Variants in PXDNL observed in about 807,000 individuals in gnomAD.
PXDNL encodes probable oxidoreductase PXDNL.
Under a neutral mutation model 150.8 loss-of-function variants are expected in PXDNL, and 145 were observed. That is an observed-to-expected ratio of 0.96 (90% CI 0.84 to 1.10). PXDNL has a LOEUF of 1.10. Ranked by LOEUF, PXDNL falls within the 50% of genes least tolerant of loss-of-function variation. The pLI, the probability that PXDNL is intolerant of heterozygous loss-of-function variation, is 0.00. For missense variants in PXDNL, 2,087 were observed against 1,873.9 expected, an observed-to-expected ratio of 1.11 and a Z score of -2.10; for synonymous variants, 757 against 725.7, an observed-to-expected ratio of 1.04 and a Z score of -0.69.
At chr8:51,553,519 AAG>A (rs1812535480) in intron 4 of PXDNL, among the ~76,000 whole-genome samples, 1 of 152,102 alleles carries the variant, frequency 6.6e-6, no homozygotes, top group Admixed American at 6.5e-5. Flanking sequence ...ATGCTTTTTA[AAG>A]ATGTTCTTCA....
At chr8:51,362,888 A>G (rs1361229338) in intron 19 of PXDNL, among the ~76,000 whole-genome samples, 1 of 152,234 alleles carries the variant, frequency 6.6e-6, no homozygotes. Context: ...CTAGTTTTTA[A>G]ATTGTTGGCA....
chr8:51,365,690 G>A (rs997240770), intron 19 of PXDNL, among the ~76,000 whole-genome samples: 20 of 152,186 alleles, frequency 1.3e-4, no homozygotes, highest in African/African-American at 3.9e-4. Flanking sequence ...TGAGAACATC[G>A]TAGCCTGTGA....
intron 2 of PXDNL, among the ~76,000 whole-genome samples, chr8:51,619,820 T>C (rs1386986688): frequency 1.3e-5 from 2 of 152,166 alleles, no homozygotes; most frequent in African/African-American, 4.8e-5. Flanking sequence ...ACTAATACAC[T>C]GGGTTTTCTC....
At chr8:51,620,272 T>C (rs1814222754) in intron 2 of PXDNL, among the ~76,000 whole-genome samples, 1 of 152,160 alleles carries the variant, frequency 6.6e-6, no homozygotes, top group Non-Finnish European at 1.5e-5. Flanking sequence ...AAAGTAATTT[T>C]CTATATTTTG....
intron 19 of PXDNL, among the ~76,000 whole-genome samples, chr8:51,362,942 G>A (rs558326370): frequency 2.0e-5 from 3 of 152,266 alleles, no homozygotes; most frequent in African/African-American, 7.2e-5. Context: ...GTAGGTACTT[G>A]TTTGATTTGA....
At chr8:51,557,912 C>T (rs1812631297) in intron 3 of PXDNL, among the ~76,000 whole-genome samples, 1 of 152,114 alleles carries the variant, frequency 6.6e-6, no homozygotes. Flanking sequence ...GGACTCCAGT[C>T]AGTTTCTAAA....
chr8:51,376,611 TG>T (rs1314830296), intron 17 of PXDNL, among the ~76,000 whole-genome samples: 3 of 152,140 alleles, frequency 2.0e-5, no homozygotes, highest in Non-Finnish European at 4.4e-5. Flanking sequence ...AATTTCTGGT[TG>T]GGTAGCATAC....
In PXDNL at chr8:51,525,446, G is replaced by C. The variant is rs897289733; in HGVS notation, c.381-25676C>G. Among the ~76,000 whole-genome samples the C allele has an allele frequency of 6.5e-4, 99 of 152,118 alleles. 1 individual carries two copies. The highest frequency in any genetic ancestry group is 9.1e-4 in the Non-Finnish European group (62 of 68,036). ...TTGTCACTGCCCCTCGGTCTGCTTC[G>C]CTCTCTATCTGTAATCACACACATT... On this transcript the variant is annotated intron_variant, in intron 4 of 22. Coordinates refer to ENST00000356297, the MANE Select transcript of PXDNL (RefSeq NM_144651.5).
intron 1 of PXDNL, among the ~76,000 whole-genome samples, chr8:51,775,989 G>A (rs1163711076): frequency 2.0e-5 from 3 of 152,138 alleles, no homozygotes; most frequent in Admixed American, 2.0e-4. Context: ...CCAAGGGGAG[G>A]TCTCTAAAAT....
chr8:51,498,928 G>C (rs1381078869), intron 5 of PXDNL, among the ~76,000 whole-genome samples: 1 of 152,120 alleles, frequency 6.6e-6, no homozygotes, highest in Non-Finnish European at 1.5e-5. Context: ...ATATACAACA[G>C]CTTATTTCTC....
chr8:51,552,389 T>C (rs1812509820), intron 4 of PXDNL, among the ~76,000 whole-genome samples: 2 of 152,192 alleles, frequency 1.3e-5, no homozygotes, highest in South Asian at 2.1e-4. Context: ...ACTATGTTTA[T>C]AGCAGCACAA....
intron 1 of PXDNL, among the ~76,000 whole-genome samples, chr8:51,751,883 C>A (rs1447652419): frequency 1.3e-5 from 2 of 152,194 alleles, no homozygotes; most frequent in African/African-American, 4.8e-5. Flanking sequence ...TCAACTCAGG[C>A]ATAGAAGTGT....
chr8:51,401,438 A>G (rs1281551154), intron 17 of PXDNL, among the ~76,000 whole-genome samples: 1 of 152,208 alleles, frequency 6.6e-6, no homozygotes, highest in Non-Finnish European at 1.5e-5. Flanking sequence ...GATGAAGACA[A>G]GACGCTGGTC....
intron 2 of PXDNL, among the ~76,000 whole-genome samples, chr8:51,616,065 A>C (rs1814123650): frequency 6.6e-6 from 1 of 152,170 alleles, no homozygotes; most frequent in Non-Finnish European, 1.5e-5. Flanking sequence ...ACTGACATAC[A>C]AAAGTATCTG....
intron 1 of PXDNL, among the ~76,000 whole-genome samples, chr8:51,785,079 A>C (rs570602793): frequency 2.6e-4 from 39 of 152,186 alleles, no homozygotes; most frequent in African/African-American, 9.2e-4. Context: ...TGGGCTTACC[A>C]TCAAGATCTT....
chr8:51,433,568 A>T (rs1170409679), intron 12 of PXDNL, among the ~76,000 whole-genome samples: 1 of 152,120 alleles, frequency 6.6e-6, no homozygotes, highest in Non-Finnish European at 1.5e-5. Context: ...GACTGGGTTG[A>T]CTTTTAGAAC....
intron 1 of PXDNL, among the ~76,000 whole-genome samples, chr8:51,699,045 G>C (rs1017411620): frequency 6.6e-6 from 1 of 152,170 alleles, no homozygotes. Context: ...AGCACAGGCA[G>C]AGTACATTTA....
intron 19 of PXDNL, among the ~76,000 whole-genome samples, chr8:51,365,590 A>C (rs1479407586): frequency 6.6e-6 from 1 of 152,314 alleles, no homozygotes; most frequent in East Asian, 1.9e-4. Context: ...TTCTCTCAAA[A>C]ATTTTAAACG....
intron 4 of PXDNL, among the ~76,000 whole-genome samples, chr8:51,526,289 C>G (rs1811768633): frequency 6.6e-6 from 1 of 152,056 alleles, no homozygotes; most frequent in African/African-American, 2.4e-5. Flanking sequence ...ACAGAAACAG[C>G]TCTGTTTCAG....
Sources: allele counts gnomAD v4.1 joint callset (sites outside exome capture counted in the v4.1 genomes callset), GRCh38; gene constraint gnomAD v4.1.1; transcripts MANE v1.5; gene names NCBI Gene and HGNC (gene_info 2026-07-23, HGNC 2026-07-21).